ROBO2: variants seen among roughly 807,000 people sequenced by gnomAD.
The protein encoded by ROBO2 is roundabout homolog 2.
ROBO2 carries 53 observed loss-of-function variants against 160.8 expected under a neutral mutation model. The observed-to-expected ratio is 0.33, with a 90% CI of 0.26 to 0.41. ROBO2 has a LOEUF of 0.41. Among genes scored for constraint, ROBO2 ranks in the 10% least tolerant of loss-of-function variants. ROBO2 has a pLI of 1.00. For synonymous variants in ROBO2, 664 were observed against 611.7 expected (o/e 1.09, Z -1.26); for missense variants, 1,577 against 1,722.4 (o/e 0.92, Z 1.49).
intron 2 of ROBO2, among the ~76,000 whole-genome samples, chr3:76,023,368 A>G (rs2066632849): frequency 6.6e-6 from 1 of 151,640 alleles, no homozygotes; most frequent in South Asian, 2.1e-4. Context: ...AAGTTTAATC[A>G]TTTCCAGCTT....
chr3:76,798,251 A>AGAAAGAAG (rs1322533267), intron 2 of ROBO2, among the ~76,000 whole-genome samples: 8 of 126,438 alleles, frequency 6.3e-5, no homozygotes, highest in African/African-American at 2.3e-4. Context: ...AAAAGAAGAA[A>AGAAAGAAG]GAAAGAAGGA....
intron 2 of ROBO2, among the ~76,000 whole-genome samples, chr3:76,875,418 AACTTAGTGGTTTAAG>A (rs2072605397): frequency 6.6e-6 from 1 of 152,208 alleles, no homozygotes; most frequent in South Asian, 2.1e-4. Flanking sequence ...AATTATCACA[AACTTAGTGGTTTAAG>A]ACAATATACA....
rs187810153 is a variant in ROBO2, at chr3:76,665,859, G to A, written c.110-432155G>A. On this transcript the variant is annotated intron_variant, in intron 2 of 26. Coordinates refer to the ROBO2 transcript ENST00000487694. ...TATTAAAAATATTGTGTGATTGTACGTGTATGTATATACGTATTATATATA... is the reference window on the plus strand; with the variant it reads ...TATTAAAAATATTGTGTGATTGTACATGTATGTATATACGTATTATATATA... Among the ~76,000 whole-genome samples, 199 of 141,390 alleles carry A rather than the reference G, an allele frequency of 1.4e-3. 1 individual carries two copies. The highest frequency in any genetic ancestry group is 2.6e-3 in the Non-Finnish European group (170 of 66,602). 92.8% of individuals were successfully genotyped at this position (141,390 alleles called of 152,430 possible).
chr3:76,577,514 A>G (rs944067500), intron 2 of ROBO2, among the ~76,000 whole-genome samples: 3 of 152,256 alleles, frequency 2.0e-5, no homozygotes, highest in Middle Eastern at 3.4e-3. Flanking sequence ...AGAGTCAAGC[A>G]TATTGTCTTT....
intron 2 of ROBO2, among the ~76,000 whole-genome samples, chr3:75,959,405 G>T (rs925275120): frequency 5.3e-5 from 8 of 151,748 alleles, no homozygotes; most frequent in African/African-American, 1.4e-4. Context: ...GAGAAAGAAA[G>T]AATTTCTGGT....
chr3:76,385,733 T>C (rs1367221018), intron 2 of ROBO2, among the ~76,000 whole-genome samples: 1 of 152,228 alleles, frequency 6.6e-6, no homozygotes, highest in African/African-American at 2.4e-5. Context: ...TTTCCCTTGC[T>C]CAGAGTTTGA....
chr3:75,963,707 AG>A (rs369151761), intron 2 of ROBO2, among the ~76,000 whole-genome samples: 103 of 151,812 alleles, frequency 6.8e-4, no homozygotes, highest in African/African-American at 2.4e-3. Flanking sequence ...ATTTTCTCAC[AG>A]TTCTAGAGGC....
At chr3:76,057,780 GT>G (rs11295514) in intron 2 of ROBO2, among the ~76,000 whole-genome samples, 13,753 of 150,604 alleles carry the variant, frequency 0.091, 1,345 homozygotes, top group African/African-American at 0.24. Context: ...AATTCAATTG[GT>G]TTTTTTTTGT....
intron 2 of ROBO2, among the ~76,000 whole-genome samples, chr3:76,558,740 AT>A (rs749489039): frequency 6.6e-6 from 1 of 152,150 alleles, no homozygotes; most frequent in Non-Finnish European, 1.5e-5. Context: ...TGTAAGGCAT[AT>A]TAAAACACTT....
chr3:77,015,974 A>T (rs1241727048), intron 2 of ROBO2, among the ~76,000 whole-genome samples: 2 of 150,912 alleles, frequency 1.3e-5, no homozygotes, highest in Non-Finnish European at 1.5e-5. Context: ...TATTTTTTTT[A>T]TTTTTATTTT....
intron 2 of ROBO2, among the ~76,000 whole-genome samples, chr3:76,185,321 A>T (rs765396014): frequency 4.0e-5 from 6 of 150,688 alleles, no homozygotes; most frequent in Non-Finnish European, 8.9e-5. Context: ...CCAATCTATT[A>T]TCATTGCTTT....
At position 77,353,921 on chromosome 3, in the gene ROBO2, G is replaced by A. The variant is rs559200235; in HGVS notation, c.389-123493G>A. 1.3e-3 allele frequency among the ~76,000 whole-genome samples: 202 copies of A among 152,296 alleles called. 1 individual carries two copies. The highest frequency in any genetic ancestry group is 4.8e-3 in the African/African-American group (198 of 41,554). On this transcript the variant is annotated intron_variant, in intron 2 of 25. Transcript: ENST00000461745. ...CTTCTTGGATTAAACTCTAAGAATA[G>A]AAAATGTGTAAATGAATTACATTAA... is the stretch of plus-strand genomic sequence containing the variant.
chr3:76,290,946 A>G (rs1212183470), intron 2 of ROBO2, among the ~76,000 whole-genome samples: 2 of 152,104 alleles, frequency 1.3e-5, no homozygotes, highest in African/African-American at 4.8e-5. Flanking sequence ...TTTTGCATCT[A>G]TGTTTGCATT....
chr3:75,977,448 G>A (rs990461290), intron 2 of ROBO2, among the ~76,000 whole-genome samples: 1 of 151,496 alleles, frequency 6.6e-6, no homozygotes, highest in Non-Finnish European at 1.5e-5. Context: ...TTGGTTTTCA[G>A]TTGATTCAGT....
At chr3:77,122,126 C>T (rs571936531) in intron 2 of ROBO2, among the ~76,000 whole-genome samples, 2 of 152,106 alleles carry the variant, frequency 1.3e-5, no homozygotes, top group South Asian at 2.1e-4. Context: ...TAAAGTGCAA[C>T]GAGACTTTCT....
chr3:77,164,542 T>C (rs2150663993), intron 2 of ROBO2, among the ~76,000 whole-genome samples: 1 of 137,198 alleles, frequency 7.3e-6, no homozygotes, highest in Non-Finnish European at 1.6e-5. Context: ...GGTGGGGGGG[T>C]CAGACCCCCG....
At chr3:77,637,902 C>T (rs990733931) in intron 24 of ROBO2, among the ~76,000 whole-genome samples, 1 of 151,970 alleles carries the variant, frequency 6.6e-6, no homozygotes, top group African/African-American at 2.4e-5. Flanking sequence ...CAATATATTG[C>T]TTATCTTTCT....
chr3:76,823,241 C>T (rs2066274582), intron 2 of ROBO2, among the ~76,000 whole-genome samples: 1 of 152,014 alleles, frequency 6.6e-6, no homozygotes, highest in African/African-American at 2.4e-5. Context: ...AAGATCAAGC[C>T]TCATTTTCTG....
At chr3:77,473,440 CTTTTTTTTTTTT>C (rs71104688) in intron 2 of ROBO2, among the ~76,000 whole-genome samples, 10 of 77,934 alleles carry the variant, frequency 1.3e-4, no homozygotes, top group East Asian at 7.2e-4. Flanking sequence ...ACAAACTGCT[CTTTTTTTTTTTT>C]TTTTTTTTTT....
Sources: allele counts gnomAD v4.1 joint callset (sites outside exome capture counted in the v4.1 genomes callset), GRCh38; gene constraint gnomAD v4.1.1; transcripts MANE v1.5; gene names NCBI Gene and HGNC (gene_info 2026-07-23, HGNC 2026-07-21).